Variants in ZFP3 observed in about 807,000 individuals in gnomAD.
The protein encoded by ZFP3 is zinc finger protein 3 homolog.
In ZFP3, 18 loss-of-function variants were observed where a neutral mutation model predicts 36.7. The observed-to-expected ratio is 0.49, with a 90% CI of 0.34 to 0.73. The LOEUF is 0.73. ZFP3 is among the 30% of genes least tolerant of loss of function. The pLI is 0.01. For synonymous variants in ZFP3, 218 were observed against 199.0 expected (o/e 1.10, Z -0.81); for missense variants, 495 against 599.0 (o/e 0.83, Z 1.81).
rs544222411 is a variant in ZFP3 at position 5,081,141 on chromosome 17, A to C, written c.-9+2566A>C. On this transcript the variant is annotated intron_variant, in intron 1 of 1. Coordinates refer to ENST00000318833, the MANE Select transcript of ZFP3 (RefSeq NM_153018.3). ...GAGATGGAGTCTCACTCTGCACTGG[A>C]GTGCAGTGGCACAATTTTGGCTCAC... 1.5e-3 allele frequency among the ~76,000 whole-genome samples: 212 copies of C among 145,610 alleles called. 1 individual carries two copies. Among genetic ancestry groups the C allele is most frequent in the African/African-American group, 5.2e-3 (202 of 38,898 alleles).
chr17:5,091,855 C>T lies in ZFP3; in HGVS notation c.351C>T (p.Thr117=). The part of the protein sequence containing the change: ...DTTEGVSAFA[T]SGQNFLEILE... ...CAGAGGGAGTTAGTGCATTTGCTAC[C>T]TCTGGCCAAAACTTCCTAGAGATTT... Residue 117 remains threonine, a synonymous_variant, in exon 2 of 2, where the codon ACC becomes ACT. Transcript: ENST00000318833. 6.2e-7 allele frequency: 1 copy of T among 1,614,200 alleles called. No individual in the cohort carries two copies.
At position 5,093,173 on chromosome 17, in the gene ZFP3, C is replaced by A; in HGVS notation, c.*160C>A. 5.1e-6 allele frequency: 3 copies of A among 592,408 alleles called. No homozygotes were observed. Among genetic ancestry groups the A allele is most frequent in the Non-Finnish European group, 7.3e-6 (3 of 408,796 alleles). 36.7% of individuals were successfully genotyped at this position (592,408 alleles called of 1,614,324 possible). On this transcript the variant is annotated 3_prime_UTR_variant, in exon 2 of 2. Transcript: ENST00000318833. ...AAATAGTTGGTTGAAGAAGATGAGG[C>A]ACTTTTTTTTTTTTTTTTTTAAGCA...
chr17:5,092,058 G>A lies in ZFP3; in HGVS notation c.554G>A (p.Arg185Gln), dbSNP rs548058522. ...GKTFGTNSSL[R>Q]RHLRIHAGEK... is the part of the protein sequence containing the mutation. Reference sequence around the variant, plus strand: ...ACATTTGGAACTAATTCAAGCCTTCGACGGCACCTGAGAATTCATGCTGGA... The same window carrying A: ...ACATTTGGAACTAATTCAAGCCTTCAACGGCACCTGAGAATTCATGCTGGA... Residue 185 changes from arginine to glutamine, a missense_variant, in exon 2 of 2, where the codon CGA becomes CAA. Transcript: ENST00000318833. The surrounding 1 kb of genome is among the most constrained non-coding windows in gnomAD (Gnocchi z 5.0). 9.9e-6 allele frequency: 16 copies of A among 1,614,012 alleles called. No individual in the cohort carries two copies. Among genetic ancestry groups the A allele is most frequent in the South Asian group, 5.5e-5 (5 of 91,084 alleles).
At chr17:5,081,093 C>CTTT (rs71367880) in intron 1 of ZFP3, among the ~76,000 whole-genome samples, 23 of 141,592 alleles carry the variant, frequency 1.6e-4, no homozygotes, top group African/African-American at 1.8e-4. Flanking sequence ...TGTTTCTGTT[C>CTTT]TTTTTTTTTT....
rs1466875618 is a variant in ZFP3 at position 5,092,815 on chromosome 17, T to G, written c.1311T>G (p.Leu437=). The G allele has an allele frequency of 3.1e-6, 5 of 1,614,170 alleles. No individual in the cohort carries two copies. The South Asian group carries it at 5.5e-5, about 18-fold the overall frequency. ...ARTFWDNSEL[L]LHQKIHIGEK... is the part of the protein sequence containing the mutation. ...CCTTTTGGGATAATTCTGAGCTGCT[T>G]CTCCACCAGAAAATTCATATTGGAG... The change falls in exon 2 of 2, where the codon CTT becomes CTG. Residue 437 remains leucine (L), a synonymous_variant. Transcript: ENST00000318833. The surrounding 1 kb of genome is among the most constrained non-coding windows in gnomAD (Gnocchi z 5.0).
rs140154967 is a variant in ZFP3 at position 5,091,611 on chromosome 17, A to G, written c.107A>G (p.His36Arg). ...TTTCCAAAAGTGGTTTACCAAGGTCATGAGTTTGGAGCAGGATGTGAAGAA... is the reference window on the plus strand; with the variant it reads ...TTTCCAAAAGTGGTTTACCAAGGTCGTGAGTTTGGAGCAGGATGTGAAGAA... ...EKFPKVVYQG[H>R]EFGAGCEEDM... Residue 36 changes from histidine (H) to arginine (R), a missense_variant, in exon 2 of 2, where the codon CAT becomes CGT. By Grantham distance (29) the His-to-Arg change is conservative (BLOSUM62 0). Coordinates refer to ENST00000318833, the MANE Select transcript of ZFP3 (RefSeq NM_153018.3). The G allele has an allele frequency of 1.0e-3, 1,692 of 1,614,222 alleles. 2 individuals are homozygous for G. The highest frequency in any genetic ancestry group is 1.9e-3 in the Admixed American group (116 of 60,024).
chr17:5,095,556 T>G lies in ZFP3; in HGVS notation c.*2543T>G, dbSNP rs955711029. The G allele has an allele frequency of 6.0e-6, 1 of 166,798 alleles. No homozygotes were observed. Among genetic ancestry groups the G allele is most frequent in the African/African-American group, 2.4e-5 (1 of 41,354 alleles). 10.3% of individuals were successfully genotyped at this position (166,798 alleles called of 1,614,324 possible). ...CTTCAAGCTTCTCCTAAACAATCTA[T>G]GCACACAAACACCCCTGAGCAATAT... On this transcript the variant is annotated 3_prime_UTR_variant, in exon 2 of 2. Transcript: ENST00000318833.
chr17:5,085,004 A>G (rs1157023264), intron 1 of ZFP3, among the ~76,000 whole-genome samples: 2 of 152,194 alleles, frequency 1.3e-5, no homozygotes, highest in Admixed American at 6.5e-5. Flanking sequence ...GCAAAGTAAA[A>G]GAATGATCAG....
intron 1 of ZFP3, among the ~76,000 whole-genome samples, chr17:5,089,506 A>T (rs929799405): frequency 1.3e-5 from 2 of 152,160 alleles, no homozygotes; most frequent in African/African-American, 4.8e-5. Context: ...AAAGCTGGGG[A>T]ATGTATTTTT....
Position 5,092,439 on chromosome 17 carries a change from A to G in ZFP3, c.935A>G (p.Asn312Ser). Residue 312 changes from asparagine (N) to serine (S), a missense_variant, in exon 2 of 2, where the codon AAT becomes AGT. Physicochemically the swap from Asn to Ser is conservative, Grantham distance 46. Transcript: ENST00000318833. The surrounding 1 kb of genome is among the most constrained non-coding windows in gnomAD (Gnocchi z 5.0). ...IHTGEKPYLC[N>S]ECGKGFGQSS... Reference sequence around the variant, plus strand: ...ACTGGAGAAAAACCATATCTGTGTAATGAATGTGGGAAGGGCTTCGGGCAG... The same window carrying G: ...ACTGGAGAAAAACCATATCTGTGTAGTGAATGTGGGAAGGGCTTCGGGCAG... The G allele has an allele frequency of 6.2e-7, 1 of 1,614,224 alleles. No individual in the cohort carries two copies. The highest frequency in any genetic ancestry group is 1.6e-4 in the Middle Eastern group (1 of 6,062).
chr17:5,087,158 G>T (rs918374001), intron 1 of ZFP3, among the ~76,000 whole-genome samples: 1 of 136,326 alleles, frequency 7.3e-6, no homozygotes, highest in Non-Finnish European at 1.5e-5. Flanking sequence ...ATAGGTTACC[G>T]CAGCCTCTAC....
chr17:5,078,777 C>T lies in ZFP3; in HGVS notation c.-9+202C>T, dbSNP rs1210473382. 2.0e-5 allele frequency among the ~76,000 whole-genome samples: 3 copies of T among 152,192 alleles called. No individual in the cohort carries two copies. Among genetic ancestry groups the T allele is most frequent in the African/African-American group, 7.2e-5 (3 of 41,446 alleles). On this transcript the variant is annotated intron_variant, in intron 1 of 1. Coordinates refer to ENST00000318833, the MANE Select transcript of ZFP3 (RefSeq NM_153018.3). The surrounding 1 kb of genome is among the most constrained non-coding windows in gnomAD (Gnocchi z 4.5). ...CACAGAGAGGGTGGGGCCTGGACACCGCCAGGGACAGTCCCAGCTCTGGTT... is the reference window on the plus strand; with the variant it reads ...CACAGAGAGGGTGGGGCCTGGACACTGCCAGGGACAGTCCCAGCTCTGGTT...
chr17:5,093,179 T>A lies in ZFP3; in HGVS notation c.*166T>A. ...TTGGTTGAAGAAGATGAGGCACTTT[T>A]TTTTTTTTTTTTTTAAGCATTGGGG... On this transcript the variant is annotated 3_prime_UTR_variant, in exon 2 of 2. Transcript: ENST00000318833. 1 of 480,426 alleles carries A rather than the reference T, an allele frequency of 2.1e-6. No homozygotes were observed. Among genetic ancestry groups the A allele is most frequent in the South Asian group, 5.0e-5 (1 of 20,126 alleles). The allele number at this position is 480,426 out of a possible 1,614,324, so 29.8% of individuals were successfully genotyped here. A position where few individuals can be genotyped will look rare whatever the true frequency, so the allele number is the denominator to read the frequency against.
intron 1 of ZFP3, among the ~76,000 whole-genome samples, chr17:5,086,349 G>A (rs985610155): frequency 3.9e-5 from 6 of 152,122 alleles, no homozygotes; most frequent in African/African-American, 1.4e-4. Flanking sequence ...TGGGCAGAGA[G>A]AAGGGGAGTC....
Position 5,091,964 on chromosome 17 carries a change from T to G in ZFP3, c.460T>G (p.Ser154Ala). 1 of 1,614,152 alleles carries G rather than the reference T, an allele frequency of 6.2e-7. No individual in the cohort carries two copies. Among genetic ancestry groups the G allele is most frequent in the Admixed American group, 1.7e-5 (1 of 60,020 alleles). Residue 154 changes from serine to alanine, a missense_variant, in exon 2 of 2, where the codon TCA (serine) becomes GCA (alanine). Physicochemically the swap from Ser to Ala is moderately conservative, Grantham distance 99. Transcript: ENST00000318833. Reference sequence around the variant, plus strand: ...ATGTGGGAAAGCCTTTAATCAGAACTCACATCTCATCCAGCATATGAGAGT... The same window carrying G: ...ATGTGGGAAAGCCTTTAATCAGAACGCACATCTCATCCAGCATATGAGAGT... ...KECGKAFNQN[S>A]HLIQHMRVHS...
intron 1 of ZFP3, among the ~76,000 whole-genome samples, chr17:5,089,207 C>A (rs2072137070): frequency 6.6e-6 from 1 of 152,144 alleles, no homozygotes; most frequent in African/African-American, 2.4e-5. Context: ...TAAATGAAGT[C>A]CAGAGGCTGG....
At position 5,095,889 on chromosome 17, in the gene ZFP3, T is replaced by C. The variant is rs2072178662; in HGVS notation, c.*2876T>C. On this transcript the variant is annotated 3_prime_UTR_variant, in exon 2 of 2. Transcript: ENST00000318833. ...TTTAGTGACCTGTTGTACCTGACCA[T>C]GTTCTTAAGGGGGAGGTCTCACGTC... is the stretch of plus-strand genomic sequence containing the variant. The C allele has an allele frequency of 6.0e-6, 1 of 166,932 alleles. No homozygotes were observed. The highest frequency in any genetic ancestry group is 2.4e-5 in the African/African-American group (1 of 41,394). The allele number at this position is 166,932 out of a possible 1,614,324, so 10.3% of individuals were successfully genotyped here.
intron 1 of ZFP3, among the ~76,000 whole-genome samples, chr17:5,085,461 T>C (rs2143524300): frequency 6.6e-6 from 1 of 151,960 alleles, no homozygotes; most frequent in South Asian, 2.1e-4. Flanking sequence ...CCCCGCCTCC[T>C]GGGTTCACGC....
chr17:5,088,395 C>T (rs1471476105), intron 1 of ZFP3, among the ~76,000 whole-genome samples: 2 of 152,096 alleles, frequency 1.3e-5, no homozygotes, highest in Non-Finnish European at 2.9e-5. Flanking sequence ...TACTAGTGCT[C>T]TAGTGAGATC....
Sources: allele counts gnomAD v4.1 joint callset (sites outside exome capture counted in the v4.1 genomes callset), GRCh38; gene constraint gnomAD v4.1.1; non-coding constraint Gnocchi (gnomAD v3.1); transcripts MANE v1.5; gene names NCBI Gene and HGNC (gene_info 2026-07-23, HGNC 2026-07-21).